The following SERINC2 variants were observed in gnomAD, a reference collection of about 807,000 sequenced individuals.
SERINC2 encodes tumor differentially expressed protein 2.
Under a neutral mutation model 54.2 loss-of-function variants are expected in SERINC2, and 56 were observed. The observed-to-expected ratio is 1.03, with a 90% CI of 0.83 to 1.29. The LOEUF is 1.29. SERINC2 is among the 50% of genes most tolerant of loss of function. The probability of loss-of-function intolerance (pLI) is 0.00; values close to 1 mark genes in which losing one functional copy is unlikely to be tolerated. For missense variants in SERINC2, 614 were observed against 607.4 expected (o/e 1.01, Z -0.12); for synonymous variants, 272 against 253.1 (o/e 1.07, Z -0.71).
chr1:31,431,101 T>G (rs1489465232), intron 8 of SERINC2, among the ~76,000 whole-genome samples: 1 of 142,330 alleles, frequency 7.0e-6, no homozygotes, highest in African/African-American at 2.6e-5. Flanking sequence ...TCCTCTCCCC[T>G]CCCCTCCCTT....
chr1:31,424,838 C>A lies in SERINC2; in HGVS notation c.357C>A (p.Ser119Arg). 1 of 1,611,032 alleles carries A rather than the reference C, an allele frequency of 6.2e-7. No homozygotes were observed. The highest frequency in any genetic ancestry group is 8.5e-7 in the Non-Finnish European group (1 of 1,179,316). Residue 119 changes from serine to arginine, a missense_variant, in exon 3 of 10, where the codon AGC (serine) becomes AGA (arginine). Transcript: ENST00000373709. ...TCACCCTGCTCATGCTCTGCGTGAG[C>A]AGCAGCCGGGACCCCCGGGCTGCCA... ...FFFTLLMLCVSSSRDPRAAIQ... is the reference protein window; with the variant it reads ...FFFTLLMLCVRSSRDPRAAIQ...
chr1:31,432,820 G>A (rs1439515526), intron 8 of SERINC2, 147 bp from the exon 9 acceptor site: 5 of 621,430 alleles, frequency 8.0e-6, no homozygotes, highest in South Asian at 1.9e-5. Context: ...AGTGGGGGTA[G>A]GGGTAGAGTT....
At chr1:31,416,564 G>A (rs1273199639) in intron 1 of SERINC2, among the ~76,000 whole-genome samples, 1 of 152,232 alleles carries the variant, frequency 6.6e-6, no homozygotes, top group Non-Finnish European at 1.5e-5. Context: ...GGGCGGCTCA[G>A]CCAGTTACGG....
intron 6 of SERINC2, among the ~76,000 whole-genome samples, chr1:31,427,978 C>T (rs1641090249): frequency 6.6e-6 from 1 of 151,976 alleles, no homozygotes; most frequent in Non-Finnish European, 1.5e-5. Flanking sequence ...CTGCTCACCT[C>T]AGCCTCCCAA....
upstream of SERINC2, chr1:31,410,561 G>A: frequency 2.2e-6 from 3 of 1,350,526 alleles, no homozygotes; most frequent in Admixed American, 2.5e-5. Flanking sequence ...AGTCAGAGTG[G>A]CTATCCCTTT....
chr1:31,415,925 T>A lies in SERINC2; in HGVS notation c.39+2621T>A, dbSNP rs1375985420. 7 of 985,260 alleles carry A rather than the reference T, an allele frequency of 7.1e-6. No individual in the cohort carries two copies. In the African/African-American group the frequency reaches 1.2e-4, roughly 17 times the overall value. The allele number at this position is 985,260 out of a possible 1,614,324, so 61.0% of individuals were successfully genotyped here. The stretch of plus-strand genomic sequence containing the variant: ...GGCTGAAGGTGGGTCCTGCTTTGGA[T>A]GGGGAGGTAAGATGGGTCCACAGGG... On this transcript the variant is annotated intron_variant, in intron 1 of 9. Coordinates refer to ENST00000373709, the MANE Select transcript of SERINC2 (RefSeq NM_178865.5).
chr1:31,416,061 T>C lies in SERINC2; in HGVS notation c.39+2757T>C, dbSNP rs530715096. On this transcript the variant is annotated intron_variant, in intron 1 of 9. Transcript: ENST00000373709. Reference sequence around the variant, plus strand: ...GTGAAAGGCCTTTGGGTCAGACCACTGGACTCGGATCCTAGCTTTGCCTCT... The same window carrying C: ...GTGAAAGGCCTTTGGGTCAGACCACCGGACTCGGATCCTAGCTTTGCCTCT... Among the ~76,000 whole-genome samples the C allele has an allele frequency of 3.3e-5, 5 of 152,308 alleles. No individual in the cohort carries two copies. In the South Asian group the frequency reaches 1.0e-3, roughly 32 times the overall value.
chr1:31,428,951 G>A (rs782253875), intron 6 of SERINC2, 27 bp from the exon 7 acceptor site: 57 of 1,601,540 alleles, frequency 3.6e-5, no homozygotes, highest in Non-Finnish European at 4.8e-5. Flanking sequence ...GGTCTGGCAG[G>A]GGTCTTACCA....
At chr1:31,409,985 G>C, upstream of SERINC2, 3 of 989,078 alleles carry the variant, frequency 3.0e-6, no homozygotes, top group Non-Finnish European at 4.4e-6. Flanking sequence ...GGTCCAAGAA[G>C]TCAGAGTCTG....
At chr1:31,421,606 G>T (rs1640903236) in intron 1 of SERINC2, among the ~76,000 whole-genome samples, 1 of 152,190 alleles carries the variant, frequency 6.6e-6, no homozygotes, top group Non-Finnish European at 1.5e-5. Context: ...CCGCCAGCAG[G>T]GTGTGCTGTG....
intron 1 of SERINC2, among the ~76,000 whole-genome samples, chr1:31,420,934 G>A (rs1328795159): frequency 6.6e-6 from 1 of 152,070 alleles, no homozygotes; most frequent in South Asian, 2.1e-4. Flanking sequence ...CAATTTCCAC[G>A]TCTGTAAAAT....
chr1:31,413,213 G>C lies in SERINC2; in HGVS notation c.-53G>C. The C allele has an allele frequency of 1.8e-6, 2 of 1,090,662 alleles. No homozygotes were observed. The highest frequency in any genetic ancestry group is 2.2e-6 in the Non-Finnish European group (2 of 901,124). The allele number at this position is 1,090,662 out of a possible 1,614,324, so 67.6% of individuals were successfully genotyped here. On this transcript the variant is annotated 5_prime_UTR_variant, in exon 1 of 10. Transcript: ENST00000373709. This position sits in a 1 kb window ranked among gnomAD's most constrained non-coding sequence, Gnocchi z 5.0. ...GGGCCAGGCCCGGCACCCGGATCCC[G>C]AGGTCCGCGCCCCGCGCCCGGCGCC...
intron 1 of SERINC2, among the ~76,000 whole-genome samples, chr1:31,421,143 G>C (rs141065939): frequency 6.6e-6 from 1 of 152,328 alleles, no homozygotes; most frequent in Non-Finnish European, 1.5e-5. Flanking sequence ...ATTCTCATAG[G>C]AGTGCGAACC....
chr1:31,414,627 G>T (rs988067172), intron 1 of SERINC2: 16 of 985,592 alleles, frequency 1.6e-5, no homozygotes, highest in Middle Eastern at 5.2e-4. Context: ...GTGCATGTGC[G>T]TGTGCAGGAG....
chr1:31,413,871 TGTCTTCTGTCCGTCTGCC>T lies in SERINC2; in HGVS notation c.39+568_39+585del, dbSNP rs1208583758. On this transcript the variant is annotated intron_variant, in intron 1 of 9. Coordinates refer to ENST00000373709, the MANE Select transcript of SERINC2 (RefSeq NM_178865.5). The surrounding 1 kb of genome is among the most constrained non-coding windows in gnomAD (Gnocchi z 5.0). The stretch of plus-strand genomic sequence containing the variant: ...CGTCCGACTGTCTTTGTCCGTCTGC[TGTCTTCTGTCCGTCTGCC>T]CGTCCGCCCGTCCGTCCCTCAGTCT... The T allele has an allele frequency of 2.1e-6, 3 of 1,439,402 alleles. No individual in the cohort carries two copies. Among genetic ancestry groups the T allele is most frequent in the Non-Finnish European group, 9.1e-7 (1 of 1,103,182 alleles). The allele number at this position is 1,439,402 out of a possible 1,614,324, so 89.2% of individuals were successfully genotyped here.
In SERINC2 at chr1:31,424,732, G is replaced by A. The variant is rs1640987819; in HGVS notation, c.251G>A (p.Gly84Asp). ...GCCGGGATCCCCACCGTCCTGCAGG[G>A]CCACATCGACTGTGGCTCCCTGCTT... is the stretch of plus-strand genomic sequence containing the variant. ...EGAGIPTVLQ[G>D]HIDCGSLLGY... The change falls in exon 3 of 10, where the codon GGC becomes GAC. Residue 84 changes from glycine to aspartate, a missense_variant. Transcript: ENST00000373709. 2 of 1,609,844 alleles carry A rather than the reference G, an allele frequency of 1.2e-6. No homozygotes were observed. Among genetic ancestry groups the A allele is most frequent in the African/African-American group, 1.3e-5 (1 of 74,874 alleles).
chr1:31,423,624 G>T, intron 1 of SERINC2, 69 bp from the exon 2 acceptor site: 1 of 1,507,396 alleles, frequency 6.6e-7, no homozygotes, highest in Non-Finnish European at 9.0e-7. Context: ...CCGACCTCTG[G>T]GCAGGTGGTG....
Position 31,432,119 on chromosome 1 carries a change from TTAGGGTGGATAGGGTGGA to T in SERINC2, c.1014-847_1014-830del, listed in dbSNP as rs1557501397. Among the ~76,000 whole-genome samples, 19 of 9,736 alleles carry T rather than the reference TTAGGGTGGATAGGGTGGA, an allele frequency of 2.0e-3. 1 individual carries two copies. Among genetic ancestry groups the T allele is most frequent in the South Asian group, 4.7e-3 (1 of 212 alleles). The allele number at this position is 9,736 out of a possible 152,430, so 6.4% of individuals were successfully genotyped here. ...AGGGTGGACAGGGTGGATAGGGTGG[TTAGGGTGGATAGGGTGGA>T]CAGGGTGGACAGGGTGGACAGGGTG... On this transcript the variant is annotated intron_variant, in intron 8 of 9. Coordinates refer to ENST00000373709, the MANE Select transcript of SERINC2 (RefSeq NM_178865.5).
chr1:31,432,075 C>CAGGGTGGACAGGGTGGACAGGGTGGAG (rs1641276539), intron 8 of SERINC2, among the ~76,000 whole-genome samples: 1 of 13,316 alleles, frequency 7.5e-5, no homozygotes, highest in African/African-American at 4.1e-4. Flanking sequence ...ACAGGGTGGA[C>CAGGGTGGACAGGGTGGACAGGGTGGAG]AGGGTGGTTA....
Sources: allele counts gnomAD v4.1 joint callset (sites outside exome capture counted in the v4.1 genomes callset), GRCh38; gene constraint gnomAD v4.1.1; non-coding constraint Gnocchi (gnomAD v3.1); transcripts MANE v1.5; gene names NCBI Gene and HGNC (gene_info 2026-07-23, HGNC 2026-07-21).